Variants in ABI2 observed in about 807,000 individuals in gnomAD.
The protein encoded by ABI2 is abelson interactor 2.
ABI2 carries 25 observed loss-of-function variants against 59.2 expected under a neutral mutation model. The ratio of observed to expected loss-of-function variants is 0.42; its 90% CI spans 0.31 to 0.59. The LOEUF (loss-of-function observed/expected upper bound fraction) is 0.59. Ranked by LOEUF, ABI2 falls within the 20% of genes least tolerant of loss-of-function variation. The pLI is 0.14. For missense variants in ABI2, 545 were observed against 681.8 expected (o/e 0.80, Z 2.23); for synonymous variants, 213 against 235.5 (o/e 0.90, Z 0.87).
In ABI2 at chr2:203,431,487, C is replaced by T. The variant is rs1042449367; in HGVS notation, c.*4135C>T. ...TTTGTGGAAATAATCTTCATTTACC[C>T]CTCCTAAAACTACACTCAGTATAAA... On this transcript the variant is annotated 3_prime_UTR_variant, in exon 12 of 12. Transcript: ENST00000261018. The T allele has an allele frequency of 6.6e-6, 1 of 152,404 alleles. No individual in the cohort carries two copies. The highest frequency in any genetic ancestry group is 1.5e-5 in the Non-Finnish European group (1 of 67,988). 9.4% of individuals were successfully genotyped at this position (152,404 alleles called of 1,614,324 possible). A position where few individuals can be genotyped will look rare whatever the true frequency, so the allele number is the denominator to read the frequency against.
intron 2 of ABI2, among the ~76,000 whole-genome samples, chr2:203,374,498 CAAAAAA>C (rs777951265): frequency 7.4e-5 from 4 of 53,858 alleles, no homozygotes; most frequent in South Asian, 1.2e-3. Flanking sequence ...GACTCTGTCT[CAAAAAA>C]AAAAAAAAAA....
intron 1 of ABI2, among the ~76,000 whole-genome samples, chr2:203,348,287 T>A (rs1480287935): frequency 6.6e-6 from 1 of 152,126 alleles, no homozygotes; most frequent in Admixed American, 6.6e-5. Context: ...AAGGTTAAGC[T>A]TAGTATTTTA....
chr2:203,415,153 TTTTG>T (rs1197645899), intron 10 of ABI2, among the ~76,000 whole-genome samples: 3 of 152,218 alleles, frequency 2.0e-5, no homozygotes, highest in Non-Finnish European at 4.4e-5. Context: ...TATCTATATC[TTTTG>T]TTTATTAATA....
rs768957658 is a variant in ABI2 at position 203,402,654 on chromosome 2, A to G, written c.1112A>G (p.Tyr371Cys). ...TPPTIGGSLP[Y>C]RRPPSITSQT... The stretch of plus-strand genomic sequence containing the variant: ...CCAACAATAGGGGGCTCGTTGCCCT[A>G]TAGACGCCCTCCTTCCATTACTTCA... The change falls in exon 9 of 12, where the codon TAT (tyrosine) becomes TGT (cysteine). Residue 371 changes from tyrosine to cysteine, a missense_variant. Tyr to Cys is a radical substitution (Grantham distance 194). Transcript: ENST00000261018. 1.2e-6 allele frequency: 2 copies of G among 1,607,564 alleles called. No homozygotes were observed. Among genetic ancestry groups the G allele is most frequent in the South Asian group, 2.2e-5 (2 of 89,308 alleles).
At position 203,331,348 on chromosome 2, in the gene ABI2, C is replaced by CTTTTTTTTTTTTTTTT. The variant is rs201209202; in HGVS notation, c.117+2722_117+2737dup. On this transcript the variant is annotated intron_variant, in intron 1 of 11. Coordinates refer to ENST00000261018, the MANE Select transcript of ABI2 (RefSeq NM_001375670.1). ...TCAGTGATCAAATGGTCAATTTAGC[C>CTTTTTTTTTTTTTTTT]TTTTTTTTTTTTTTTTTTTTCTGAG... Among the ~76,000 whole-genome samples, 9 of 85,302 alleles carry CTTTTTTTTTTTTTTTT rather than the reference C, an allele frequency of 1.1e-4. 1 individual carries two copies. Among genetic ancestry groups the CTTTTTTTTTTTTTTTT allele is most frequent in the Admixed American group, 5.5e-4 (3 of 5,426 alleles). The allele number at this position is 85,302 out of a possible 152,430, so 56.0% of individuals were successfully genotyped here. A position where few individuals can be genotyped will look rare whatever the true frequency, so the allele number is the denominator to read the frequency against.
At chr2:203,407,840 C>A (rs956945790) in intron 9 of ABI2, among the ~76,000 whole-genome samples, 2 of 152,082 alleles carry the variant, frequency 1.3e-5, no homozygotes, top group South Asian at 4.1e-4. Context: ...ACAATTCTTT[C>A]CTCAAAATTC....
In ABI2 at chr2:203,384,295, T is replaced by TGTTTTTG. The variant is rs1559289040; in HGVS notation, c.480+2089_480+2090insGTTTTTG. Among the ~76,000 whole-genome samples the TGTTTTTG allele has an allele frequency of 7.6e-3, 668 of 87,906 alleles. 13 individuals are homozygous for TGTTTTTG. Among genetic ancestry groups the TGTTTTTG allele is most frequent in the African/African-American group, 0.015 (414 of 27,558 alleles). 57.7% of individuals were successfully genotyped at this position (87,906 alleles called of 152,430 possible). A position where few individuals can be genotyped will look rare whatever the true frequency, so the allele number is the denominator to read the frequency against. On this transcript the variant is annotated intron_variant, in intron 4 of 11. Coordinates refer to ENST00000261018, the MANE Select transcript of ABI2 (RefSeq NM_001375670.1). The stretch of plus-strand genomic sequence containing the variant: ...ATACTCTTGTTTTTGTTTTTGTTTT[T>TGTTTTTG]TTTTTTTTTTTTTTTTTTTTTTTTT...
At chr2:203,350,395 C>G (rs529818359) in intron 1 of ABI2, among the ~76,000 whole-genome samples, 1 of 152,088 alleles carries the variant, frequency 6.6e-6, no homozygotes, top group Non-Finnish European at 1.5e-5. Flanking sequence ...GTCGCCCAGG[C>G]TGGAGTACAG....
Position 203,396,967 on chromosome 2 carries a change from G to A in ABI2, c.1033G>A (p.Gly345Ser). The A allele has an allele frequency of 6.7e-7, 1 of 1,482,802 alleles. No individual in the cohort carries two copies. The highest frequency in any genetic ancestry group is 8.9e-7 in the Non-Finnish European group (1 of 1,121,284). 91.9% of individuals were successfully genotyped at this position (1,482,802 alleles called of 1,614,324 possible). Residue 345 changes from glycine (G) to serine (S), a missense_variant and splice_region_variant, in exon 8 of 12, where the codon GGT becomes AGT. Physicochemically the swap from Gly to Ser is moderately conservative, Grantham distance 56. Coordinates refer to ENST00000261018, the MANE Select transcript of ABI2 (RefSeq NM_001375670.1). ...PPVVSSTPPT[G>S]HPVQFYSMNR... ...TGTTGTTTCTTCCACTCCCCCTACA[G>A]GTAAGTATTTGCTTATTCATTGGCA...
chr2:203,420,383 A>C (rs2098141332), intron 11 of ABI2, among the ~76,000 whole-genome samples: 1 of 143,234 alleles, frequency 7.0e-6, no homozygotes, highest in African/African-American at 2.5e-5. Flanking sequence ...TCTTCACAAG[A>C]CTGTGACAGT....
At chr2:203,385,147 T>TTTTTTTTTTTTTTTTTTTTC (rs2096433605) in intron 4 of ABI2, among the ~76,000 whole-genome samples, 1 of 62,126 alleles carries the variant, frequency 1.6e-5, no homozygotes, top group Non-Finnish European at 4.9e-5. Flanking sequence ...TTCTTTTTTT[T>TTTTTTTTTTTTTTTTTTTTC]TTTTTGAGAC....
chr2:203,343,320 C>T (rs1008767597), intron 1 of ABI2, among the ~76,000 whole-genome samples: 2 of 152,096 alleles, frequency 1.3e-5, no homozygotes, highest in Non-Finnish European at 2.9e-5. Context: ...GCTGAGATTG[C>T]GGCACTGCAC....
At chr2:203,378,188 T>C (rs539640141) in intron 2 of ABI2, among the ~76,000 whole-genome samples, 23 of 151,864 alleles carry the variant, frequency 1.5e-4, no homozygotes, top group East Asian at 1.4e-3. Context: ...TCTCGGCTCA[T>C]TGCAAGCTCT....
Position 203,373,246 on chromosome 2 carries a change from C to T in ABI2, c.285+6202C>T, listed in dbSNP as rs967201430. ...GAGGCCGAGGCTGGCGGATCACTCG[C>T]GGTTAGGAGCTGGAGACCAGCCCGG... On this transcript the variant is annotated intron_variant, in intron 2 of 11. Coordinates refer to ENST00000261018, the MANE Select transcript of ABI2 (RefSeq NM_001375670.1). Among the ~76,000 whole-genome samples, 346 of 152,218 alleles carry T rather than the reference C, an allele frequency of 2.3e-3. 3 individuals carry two copies. Among genetic ancestry groups the T allele is most frequent in the Admixed American group, 0.015 (227 of 15,300 alleles).
chr2:203,416,855 A>G, intron 10 of ABI2, 53 bp from the exon 11 acceptor site: 1 of 1,501,658 alleles, frequency 6.7e-7, no homozygotes, highest in Admixed American at 2.1e-5. Flanking sequence ...TGGATAGGAA[A>G]TACTGAACTT....
intron 1 of ABI2, among the ~76,000 whole-genome samples, chr2:203,331,348 CTTTTTTT>C (rs201209202): frequency 2.9e-4 from 25 of 85,304 alleles, no homozygotes; most frequent in African/African-American, 9.2e-4. Flanking sequence ...TCAATTTAGC[CTTTTTTT>C]TTTTTTTTTT....
At position 203,399,370 on chromosome 2, in the gene ABI2, T is replaced by A. The variant is rs145869685; in HGVS notation, c.1033+2403T>A. ...TTTGGTGAAGTATCTGTTCAAATGT[T>A]TTGTTCCTTCTCACCTTTTTAATAG... is the stretch of plus-strand genomic sequence containing the variant. On this transcript the variant is annotated intron_variant, in intron 8 of 11. Coordinates refer to ENST00000261018, the MANE Select transcript of ABI2 (RefSeq NM_001375670.1). Among the ~76,000 whole-genome samples the A allele has an allele frequency of 7.3e-3, 1,110 of 152,354 alleles. 7 individuals carry two copies. The highest frequency in any genetic ancestry group is 0.011 in the Non-Finnish European group (774 of 68,028).
chr2:203,360,637 TAGTA>T (rs1316683106), intron 1 of ABI2, among the ~76,000 whole-genome samples: 1 of 152,226 alleles, frequency 6.6e-6, no homozygotes, highest in East Asian at 1.9e-4. Flanking sequence ...TGATTCAGGC[TAGTA>T]AGTGACGTTT....
intron 11 of ABI2, among the ~76,000 whole-genome samples, chr2:203,422,493 G>A (rs553886715): frequency 2.0e-5 from 3 of 152,252 alleles, no homozygotes; most frequent in South Asian, 2.1e-4. Flanking sequence ...TGGGGATGTC[G>A]GGGAAGGTGA....
Sources: allele counts gnomAD v4.1 joint callset (sites outside exome capture counted in the v4.1 genomes callset), GRCh38; gene constraint gnomAD v4.1.1; transcripts MANE v1.5; gene names NCBI Gene and HGNC (gene_info 2026-07-23, HGNC 2026-07-21).